The following PCNX2 variants were observed in gnomAD, a reference collection of about 807,000 sequenced individuals.
The protein encoded by PCNX2 is pecanex-like protein 2.
Under a neutral mutation model 223.8 loss-of-function variants are expected in PCNX2, and 168 were observed. The ratio of observed to expected loss-of-function variants is 0.75; its 90% CI spans 0.66 to 0.85. The LOEUF (loss-of-function observed/expected upper bound fraction) is 0.85, where lower values mean the gene tolerates loss of function less well. Ranked by LOEUF, PCNX2 falls within the 40% of genes least tolerant of loss-of-function variation. The probability of loss-of-function intolerance (pLI) is 0.00; values close to 1 mark genes in which losing one functional copy is unlikely to be tolerated. For missense variants in PCNX2, 2,507 were observed against 2,675.5 expected, an observed-to-expected ratio of 0.94 and a Z score of 1.39; for synonymous variants, 1,006 against 1,052.6, an observed-to-expected ratio of 0.96 and a Z score of 0.86.
intron 21 of PCNX2, among the ~76,000 whole-genome samples, chr1:233,121,321 A>G (rs1675779527): frequency 6.6e-6 from 1 of 152,224 alleles, no homozygotes. Context: ...GCAGATCTAG[A>G]GAACTGATTC....
In PCNX2 at chr1:233,093,381, G is replaced by T. The variant is rs568980186; in HGVS notation, c.3946+2374C>A. Among the ~76,000 whole-genome samples the T allele has an allele frequency of 8.5e-5, 13 of 152,282 alleles. No homozygotes were observed. The South Asian group carries it at 2.5e-3, about 29-fold the overall frequency. On this transcript the variant is annotated intron_variant, in intron 22 of 33. Coordinates refer to ENST00000258229, the MANE Select transcript of PCNX2 (RefSeq NM_014801.4). ...CAATTTACCAAACAGTGCCCTGCTG[G>T]CCTGAAAGCTAATTCAATTCCAAAA... is the stretch of plus-strand genomic sequence containing the variant.
intron 21 of PCNX2, among the ~76,000 whole-genome samples, chr1:233,114,472 T>C (rs961703668): frequency 2.6e-5 from 4 of 152,172 alleles, no homozygotes; most frequent in African/African-American, 7.2e-5. Flanking sequence ...TTTTACTCTG[T>C]ATGAAGTGGT....
chr1:233,221,062 G>A (rs945071827), intron 10 of PCNX2, among the ~76,000 whole-genome samples: 2 of 152,174 alleles, frequency 1.3e-5, no homozygotes, highest in African/African-American at 4.8e-5. Context: ...CAGCCAGAAG[G>A]AAAACAATGG....
At chr1:232,994,734 C>A (rs1387194404) in intron 32 of PCNX2, among the ~76,000 whole-genome samples, 1 of 152,100 alleles carries the variant, frequency 6.6e-6, no homozygotes, top group East Asian at 1.9e-4. Flanking sequence ...GGGGTGGTTT[C>A]CCCCAGGCTG....
intron 17 of PCNX2, chr1:233,167,869 C>G: frequency 1.1e-6 from 1 of 898,866 alleles, no homozygotes; most frequent in Non-Finnish European, 1.3e-6. Context: ...TATACCTTTC[C>G]ACCTTCTATA....
chr1:232,992,613 G>A (rs569714185), intron 32 of PCNX2, among the ~76,000 whole-genome samples: 10 of 152,218 alleles, frequency 6.6e-5, no homozygotes, highest in Non-Finnish European at 1.2e-4. Context: ...TCTGGGGCCA[G>A]CTCACCTGGG....
Position 233,259,143 on chromosome 1 carries a change from C to T in PCNX2, c.719G>A (p.Arg240His), listed in dbSNP as rs374667682. The T allele has an allele frequency of 1.4e-5, 23 of 1,613,852 alleles. No homozygotes were observed. The highest frequency in any genetic ancestry group is 6.7e-5 in the African/African-American group (5 of 74,916). ...CACTAAGCCACCCTCGGATCTGTGG[C>T]GCAAAGGAGGCTGCCCCTTGCCTCC... ...ERGGKGQPPL[R>H]HRSEGGLVDK... Residue 240 changes from arginine to histidine, a missense_variant, in exon 5 of 34, where the codon CGC (arginine) becomes CAC (histidine). This residue lies in a region of PCNX2 where 1,031 missense variants were observed against 1,021.7 expected (regional missense o/e 1.01). Transcript: ENST00000258229.
At chr1:233,072,375 C>T (rs1328731751) in intron 23 of PCNX2, among the ~76,000 whole-genome samples, 1 of 152,116 alleles carries the variant, frequency 6.6e-6, no homozygotes, top group Admixed American at 6.5e-5. Context: ...GCCAGTTATG[C>T]CAGCACCATT....
intron 1 of PCNX2, among the ~76,000 whole-genome samples, chr1:233,280,400 T>C (rs1044752472): frequency 2.0e-5 from 3 of 151,252 alleles, no homozygotes; most frequent in Non-Finnish European, 4.4e-5. Context: ...TGGGTTCAAG[T>C]GATTCTCGTG....
At chr1:233,245,709 T>C (rs1659068974) in intron 8 of PCNX2, among the ~76,000 whole-genome samples, 1 of 151,976 alleles carries the variant, frequency 6.6e-6, no homozygotes, top group Non-Finnish European at 1.5e-5. Context: ...GGTGAGGAGA[T>C]TGAGACCATC....
Position 232,991,552 on chromosome 1 carries a change from G to T in PCNX2, c.5792-5012C>A. ...AGGGTGGGGCCTTACTTTGACACAG[G>T]GTCGTTGCAAATGTCATTAGTTAAG... is the stretch of plus-strand genomic sequence containing the variant. On this transcript the variant is annotated intron_variant, in intron 32 of 33. Coordinates refer to ENST00000258229, the MANE Select transcript of PCNX2 (RefSeq NM_014801.4). The surrounding 1 kb of genome is among the most constrained non-coding windows in gnomAD (Gnocchi z 4.3). Among the ~76,000 whole-genome samples, 1 of 152,050 alleles carries T rather than the reference G, an allele frequency of 6.6e-6. No homozygotes were observed. The highest frequency in any genetic ancestry group is 1.5e-5 in the Non-Finnish European group (1 of 68,008).
intron 21 of PCNX2, chr1:233,112,718 A>AGCCG: frequency 2.9e-6 from 2 of 693,656 alleles, no homozygotes; most frequent in South Asian, 3.2e-5. Context: ...TTTGAACAAT[A>AGCCG]TAACTAAATT....
chr1:233,072,409 C>G (rs1672897501), intron 23 of PCNX2, among the ~76,000 whole-genome samples: 1 of 152,170 alleles, frequency 6.6e-6, no homozygotes, highest in Non-Finnish European at 1.5e-5. Flanking sequence ...ATCTGTCCCT[C>G]ATTGCTTGTT....
In PCNX2 at chr1:233,014,684, C is replaced by A; in HGVS notation, c.4933G>T (p.Ala1645Ser). The stretch of plus-strand genomic sequence containing the variant: ...AGGTACCTGATGGCCATATTGTGAG[C>A]GGCTGTTCCCAGAGCTCTCCTCCCC... ...TLGRRALGTAAHNMAISLDSF... is the reference protein window; with the variant it reads ...TLGRRALGTASHNMAISLDSF... The change falls in exon 28 of 34, where the codon GCT becomes TCT. Residue 1645 changes from alanine to serine, a missense_variant. By Grantham distance (99) the Ala-to-Ser change is moderately conservative. This residue lies in a region of PCNX2 where 1,372 missense variants were observed against 1,509.4 expected (regional missense o/e 0.91). Transcript: ENST00000258229. 1 of 1,613,840 alleles carries A rather than the reference C, an allele frequency of 6.2e-7. No individual in the cohort carries two copies. Among genetic ancestry groups the A allele is most frequent in the Non-Finnish European group, 8.5e-7 (1 of 1,179,836 alleles).
chr1:233,323,564 A>G, the PCNX2 span, among the ~76,000 whole-genome samples: 2 of 152,228 alleles, frequency 1.3e-5, no homozygotes, highest in Admixed American at 1.3e-4. Flanking sequence ...ACAATATTTC[A>G]AACTATTTCA....
intron 26 of PCNX2, among the ~76,000 whole-genome samples, chr1:233,023,683 C>T (rs764853519): frequency 6.6e-6 from 1 of 152,126 alleles, no homozygotes; most frequent in Non-Finnish European, 1.5e-5. Flanking sequence ...CAAATCTTCC[C>T]CCATTTACAT....
At chr1:233,226,923 A>G (rs1657764529) in intron 10 of PCNX2, among the ~76,000 whole-genome samples, 1 of 152,036 alleles carries the variant, frequency 6.6e-6, no homozygotes, top group African/African-American at 2.4e-5. Flanking sequence ...GCCCAAACAA[A>G]CCTTAAATAC....
At chr1:233,202,392 T>G (rs529815868) in intron 13 of PCNX2, 1 of 250,648 alleles carries the variant, frequency 4.0e-6, no homozygotes, top group East Asian at 1.3e-4. Context: ...TAAGCAAAAT[T>G]CATAAATAAA....
intron 26 of PCNX2, among the ~76,000 whole-genome samples, chr1:233,021,494 CA>C (rs1188897085): frequency 1.4e-5 from 2 of 138,312 alleles, no homozygotes; most frequent in Non-Finnish European, 3.0e-5. Context: ...GACTCTTTCT[CA>C]AAAAAAGAAA....
Sources: gnomAD v4.1 joint callset for allele counts (sites outside exome capture counted in the v4.1 genomes callset) on GRCh38, gnomAD v4.1.1 for gene constraint, gnomAD v4.1.1 regional missense constraint, Gnocchi (gnomAD v3.1) non-coding constraint, MANE v1.5 for transcripts, NCBI Gene and HGNC (gene_info 2026-07-23, HGNC 2026-07-21) for gene names.